NAV3: variants seen among roughly 807,000 people sequenced by gnomAD.
The protein encoded by NAV3 is neuron navigator 3, also known as pore membrane and/or filament interacting like protein 1.
In NAV3, 87 loss-of-function variants were observed where a neutral mutation model predicts 244.7. The ratio of observed to expected loss-of-function variants is 0.36; its 90% CI spans 0.30 to 0.42. NAV3 has a LOEUF of 0.42. NAV3 is among the 20% of genes least tolerant of loss of function. The pLI is 1.00. For missense variants in NAV3, 2,663 were observed against 2,893.3 expected, an observed-to-expected ratio of 0.92 and a Z score of 1.83; for synonymous variants, 1,126 against 1,042.2, an observed-to-expected ratio of 1.08 and a Z score of -1.55.
intron 9 of NAV3, among the ~76,000 whole-genome samples, chr12:78,045,608 T>C (rs1041644956): frequency 2.6e-5 from 4 of 152,178 alleles, no homozygotes; most frequent in African/African-American, 9.7e-5. Flanking sequence ...ATAAGCTTTT[T>C]GATGTGCTGC....
At chr12:77,700,283 C>T (rs1437691326) in intron 2 of NAV3, among the ~76,000 whole-genome samples, 2 of 152,056 alleles carry the variant, frequency 1.3e-5, no homozygotes, top group Non-Finnish European at 2.9e-5. Context: ...GGGATCTGCA[C>T]CATGTGCTGT....
intron 7 of NAV3, among the ~76,000 whole-genome samples, chr12:78,004,669 A>C (rs577027053): frequency 9.3e-4 from 141 of 152,290 alleles, no homozygotes; most frequent in Middle Eastern, 3.4e-3. Context: ...CTGTTGTGCA[A>C]TCTTTACTGT....
chr12:77,987,777 T>C (rs962085404), intron 5 of NAV3, among the ~76,000 whole-genome samples: 11 of 152,218 alleles, frequency 7.2e-5, no homozygotes, highest in Non-Finnish European at 1.2e-4. Context: ...TATCGAGATA[T>C]TCAGAGAGGG....
In NAV3 at chr12:77,843,430, T is replaced by C. The variant is rs529996465; in HGVS notation, c.243+11726T>C. 5.9e-5 allele frequency among the ~76,000 whole-genome samples: 9 copies of C among 152,130 alleles called. No individual in the cohort carries two copies. The South Asian group carries it at 1.7e-3, about 28-fold the overall frequency. On this transcript the variant is annotated intron_variant, in intron 1 of 39. Coordinates refer to ENST00000397909, the MANE Select transcript of NAV3 (RefSeq NM_001024383.2). Reference sequence around the variant, plus strand: ...GTGTGTGTGTGTGTGTTTGTGTGTGTATCTTATAGGCATTATAGAAAATAT... The same window carrying C: ...GTGTGTGTGTGTGTGTTTGTGTGTGCATCTTATAGGCATTATAGAAAATAT...
At chr12:77,805,199 C>G (rs1871911165) in intron 2 of NAV3, among the ~76,000 whole-genome samples, 1 of 152,176 alleles carries the variant, frequency 6.6e-6, no homozygotes, top group Admixed American at 6.5e-5. Context: ...ACTTCCAATA[C>G]TATTTTGAAT....
chr12:77,646,975 T>A (rs1872627532), intron 2 of NAV3, among the ~76,000 whole-genome samples: 1 of 151,974 alleles, frequency 6.6e-6, no homozygotes, highest in Non-Finnish European at 1.5e-5. Context: ...GTTTTTGACC[T>A]ATAAAAATGG....
chr12:77,728,569 C>T (rs888562419), intron 2 of NAV3, among the ~76,000 whole-genome samples: 4 of 151,664 alleles, frequency 2.6e-5, no homozygotes, highest in Non-Finnish European at 5.9e-5. Flanking sequence ...AGGGTAATAC[C>T]GATTGAATTT....
At chr12:77,988,415 A>C (rs1012948644) in intron 5 of NAV3, among the ~76,000 whole-genome samples, 1 of 152,176 alleles carries the variant, frequency 6.6e-6, no homozygotes, top group Non-Finnish European at 1.5e-5. Flanking sequence ...TGAAATAGGA[A>C]GCTCTGGCAG....
chr12:78,195,797 A>G (rs529803001), intron 34 of NAV3, among the ~76,000 whole-genome samples: 19 of 152,134 alleles, frequency 1.2e-4, no homozygotes, highest in African/African-American at 4.6e-4. Flanking sequence ...GACTTCTCAT[A>G]TCTCATAATA....
chr12:78,049,668 G>T (rs1440571919), intron 9 of NAV3, among the ~76,000 whole-genome samples: 1 of 152,064 alleles, frequency 6.6e-6, no homozygotes, highest in Non-Finnish European at 1.5e-5. Flanking sequence ...ATCTTTCTCA[G>T]GTCATAATCA....
intron 2 of NAV3, among the ~76,000 whole-genome samples, chr12:77,688,340 A>G (rs1019672373): frequency 3.9e-5 from 6 of 152,004 alleles, no homozygotes; most frequent in Non-Finnish European, 4.4e-5. Flanking sequence ...CATGCTTACT[A>G]TATGTACACA....
intron 12 of NAV3, among the ~76,000 whole-genome samples, chr12:78,104,233 T>C (rs770154857): frequency 2.0e-5 from 3 of 152,304 alleles, no homozygotes; most frequent in South Asian, 4.1e-4. Context: ...AGTAGGACTG[T>C]TGAGCCCCAG....
At chr12:77,943,868 A>C (rs1390966453) in intron 3 of NAV3, among the ~76,000 whole-genome samples, 3 of 152,324 alleles carry the variant, frequency 2.0e-5, no homozygotes, top group Admixed American at 6.5e-5. Flanking sequence ...TTAAATGTTA[A>C]ACTTGCTACC....
intron 2 of NAV3, among the ~76,000 whole-genome samples, chr12:77,605,087 A>G (rs1217315420): frequency 6.6e-6 from 1 of 152,150 alleles, no homozygotes; most frequent in Non-Finnish European, 1.5e-5. Flanking sequence ...ATGATGAGTC[A>G]TTCCAAAAGC....
chr12:78,063,197 G>T (rs1293463966), intron 12 of NAV3, among the ~76,000 whole-genome samples: 1 of 152,126 alleles, frequency 6.6e-6, no homozygotes, highest in Non-Finnish European at 1.5e-5. Context: ...TAAAGATATT[G>T]CAGTTCATTT....
At chr12:77,830,374 T>C (rs2136062650), upstream of NAV3, among the ~76,000 whole-genome samples, 1 of 152,346 alleles carries the variant, frequency 6.6e-6, no homozygotes, top group African/African-American at 2.4e-5. Flanking sequence ...CTCCAAGTCA[T>C]AGCTGTTCTT....
At chr12:77,617,611 C>T (rs1871192447) in intron 2 of NAV3, among the ~76,000 whole-genome samples, 9 of 152,130 alleles carry the variant, frequency 5.9e-5, no homozygotes, top group Admixed American at 5.9e-4. Flanking sequence ...GGCGGCCAAG[C>T]AAGGAGACAG....
chr12:77,710,777 T>C (rs946720257), intron 2 of NAV3, among the ~76,000 whole-genome samples: 1 of 152,216 alleles, frequency 6.6e-6, no homozygotes, highest in Non-Finnish European at 1.5e-5. Context: ...CACTTTATAT[T>C]ATTTGTATTT....
At chr12:78,121,637 G>A (rs1270017995) in intron 15 of NAV3, among the ~76,000 whole-genome samples, 1 of 152,140 alleles carries the variant, frequency 6.6e-6, no homozygotes, top group African/African-American at 2.4e-5. Flanking sequence ...CTGACTTTGA[G>A]TGAAAGTCTC....
Sources: gnomAD v4.1 joint callset for allele counts (sites outside exome capture counted in the v4.1 genomes callset) on GRCh38, gnomAD v4.1.1 for gene constraint, MANE v1.5 for transcripts, NCBI Gene and HGNC (gene_info 2026-07-23, HGNC 2026-07-21) for gene names.